Variants in INSL6 observed in about 807,000 individuals in gnomAD.
INSL6 encodes the protein insulin like 6.
Under a neutral mutation model 9.4 loss-of-function variants are expected in INSL6, and 16 were observed. That is an observed-to-expected ratio of 1.70 (90% CI 1.15 to 2.59). INSL6 has a LOEUF of 2.59. INSL6 is among the 30% of genes most tolerant of loss of function. The probability of loss-of-function intolerance (pLI) is 0.00; values close to 1 mark genes in which losing one functional copy is unlikely to be tolerated. For missense variants in INSL6, 391 were observed against 257.3 expected, an observed-to-expected ratio of 1.52 and a Z score of -3.56; for synonymous variants, 154 against 96.9, an observed-to-expected ratio of 1.59 and a Z score of -3.46.
At chr9:5,009,064 A>G in the INSL6 span, among the ~76,000 whole-genome samples, 1 of 152,176 alleles carries the variant, frequency 6.6e-6, no homozygotes, top group Non-Finnish European at 1.5e-5. Flanking sequence ...AGAATTTATT[A>G]TGCACAGCCA....
chr9:5,139,934 C>T (rs937511563), intron 2 of INSL6, among the ~76,000 whole-genome samples: 1 of 152,088 alleles, frequency 6.6e-6, no homozygotes, highest in Non-Finnish European at 1.5e-5. Context: ...AAAAATGTGT[C>T]AGATGTCTTT....
intron 2 of INSL6, among the ~76,000 whole-genome samples, chr9:5,135,777 C>G (rs1586855838): frequency 6.6e-6 from 1 of 151,658 alleles, no homozygotes; most frequent in East Asian, 1.9e-4. Flanking sequence ...AAGATCAGAG[C>G]AGAACTGAGC....
the INSL6 span, chr9:5,112,570 C>A: frequency 3.0e-6 from 2 of 658,344 alleles, no homozygotes; most frequent in African/African-American, 1.9e-5. Context: ...CAGGGAGCGG[C>A]TGCGGGTCCC....
chr9:5,064,339 G>T, the INSL6 span, among the ~76,000 whole-genome samples: 1 of 152,250 alleles, frequency 6.6e-6, no homozygotes, highest in African/African-American at 2.4e-5. Context: ...AGACCAGCCT[G>T]GCCAACATGG....
chr9:5,091,073 G>A, the INSL6 span: 1 of 529,512 alleles, frequency 1.9e-6, no homozygotes, highest in African/African-American at 2.0e-5. Context: ...TATAGTCATG[G>A]TTATAGTCCA....
chr9:5,136,732 A>G (rs1824392816), intron 2 of INSL6, among the ~76,000 whole-genome samples: 1 of 152,178 alleles, frequency 6.6e-6, no homozygotes, highest in African/African-American at 2.4e-5. Context: ...GCCTTCTCTC[A>G]CCAGTCCTAT....
At chr9:5,129,396 C>G (rs977955095) in intron 3 of INSL6, among the ~76,000 whole-genome samples, 1 of 152,080 alleles carries the variant, frequency 6.6e-6, no homozygotes, top group Non-Finnish European at 1.5e-5. Flanking sequence ...ATGCTTCCTA[C>G]AACTGCTGTC....
At chr9:5,054,867 G>A in the INSL6 span, 6 of 1,603,258 alleles carry the variant, frequency 3.7e-6, no homozygotes, top group South Asian at 3.3e-5. The surrounding 1 kb of genome is among the most constrained non-coding windows in gnomAD (Gnocchi z 4.9). Flanking sequence ...TAAAGAAAGT[G>A]AGACACTGAC....
At chr9:5,012,897 A>G in the INSL6 span, among the ~76,000 whole-genome samples, 1 of 152,336 alleles carries the variant, frequency 6.6e-6, no homozygotes, top group Admixed American at 6.5e-5. Flanking sequence ...TGGGAGGCAA[A>G]GTAGACTTAG....
chr9:5,056,095 T>G, the INSL6 span, among the ~76,000 whole-genome samples: 43 of 152,024 alleles, frequency 2.8e-4, no homozygotes, highest in Non-Finnish European at 1.6e-4. Flanking sequence ...GATGTAATGC[T>G]CACCCCTGAC....
the INSL6 span, among the ~76,000 whole-genome samples, chr9:5,005,980 CT>C: frequency 1.3e-5 from 2 of 152,120 alleles, no homozygotes; most frequent in African/African-American, 2.4e-5. Flanking sequence ...GATGCAGGCT[CT>C]TTTTTGGTTC....
intron 1 of INSL6, among the ~76,000 whole-genome samples, chr9:5,169,710 G>A (rs935264500): frequency 6.6e-6 from 1 of 152,120 alleles, no homozygotes; most frequent in Admixed American, 6.5e-5. Flanking sequence ...AAAACAGCAA[G>A]GGTTGCAATC....
chr9:5,075,146 G>A, the INSL6 span, among the ~76,000 whole-genome samples: 1 of 152,108 alleles, frequency 6.6e-6, no homozygotes, highest in Non-Finnish European at 1.5e-5. Flanking sequence ...GAAGCTAGCA[G>A]AGGTTGGTTC....
the INSL6 span, among the ~76,000 whole-genome samples, chr9:5,014,892 G>A: frequency 1.3e-5 from 2 of 150,832 alleles, no homozygotes; most frequent in African/African-American, 4.9e-5. Flanking sequence ...ATTGTGTATT[G>A]TATTTTGGGA....
At chr9:5,042,003 C>G in the INSL6 span, 1 of 348,458 alleles carries the variant, frequency 2.9e-6, no homozygotes, top group Non-Finnish European at 5.6e-6. Flanking sequence ...TTGGGGCCCA[C>G]CCACAGCGGC....
chr9:5,048,399 C>T, the INSL6 span, among the ~76,000 whole-genome samples: 2 of 152,140 alleles, frequency 1.3e-5, no homozygotes, highest in African/African-American at 2.4e-5. Flanking sequence ...CCTTGGCCTT[C>T]TAAAGTGCTG....
At chr9:5,086,308 T>C in the INSL6 span, among the ~76,000 whole-genome samples, 1 of 152,194 alleles carries the variant, frequency 6.6e-6, no homozygotes, top group Non-Finnish European at 1.5e-5. Context: ...AAACCTCTTA[T>C]ATTCTTTATA....
chr9:5,063,172 C>A, the INSL6 span, among the ~76,000 whole-genome samples: 3 of 152,170 alleles, frequency 2.0e-5, no homozygotes, highest in African/African-American at 7.2e-5. Context: ...ATTGCTGGGC[C>A]AAGAAATATG....
the INSL6 span, among the ~76,000 whole-genome samples, chr9:5,087,252 C>A: frequency 6.6e-6 from 1 of 152,188 alleles, no homozygotes; most frequent in Non-Finnish European, 1.5e-5. Flanking sequence ...TGGCAGAAGG[C>A]ACCTCTTCAC....
Sources: allele counts gnomAD v4.1 joint callset (sites outside exome capture counted in the v4.1 genomes callset), GRCh38; gene constraint gnomAD v4.1.1; non-coding constraint Gnocchi (gnomAD v3.1); transcripts MANE v1.5; gene names NCBI Gene and HGNC (gene_info 2026-07-23, HGNC 2026-07-21).